The following SND1 variants were observed in gnomAD, a reference collection of about 807,000 sequenced individuals.
SND1 encodes staphylococcal nuclease domain-containing protein 1.
SND1 carries 38 observed loss-of-function variants against 121.7 expected under a neutral mutation model. That is an observed-to-expected ratio of 0.31 (90% CI 0.24 to 0.41). The LOEUF (loss-of-function observed/expected upper bound fraction) is 0.41. Among genes scored for constraint, SND1 ranks in the 10% least tolerant of loss-of-function variants. The pLI, the probability that SND1 is intolerant of heterozygous loss-of-function variation, is 1.00. For missense variants in SND1, 868 were observed against 1,184.6 expected, an observed-to-expected ratio of 0.73 and a Z score of 3.92; for synonymous variants, 401 against 447.4, an observed-to-expected ratio of 0.90 and a Z score of 1.31.
intron 16 of SND1, among the ~76,000 whole-genome samples, chr7:128,074,239 T>C (rs1391719007): frequency 6.6e-6 from 1 of 152,184 alleles, no homozygotes; most frequent in Non-Finnish European, 1.5e-5. Context: ...TCTCTCTCTC[T>C]CTCAGGTTAA....
chr7:128,016,439 G>A (rs958440776), intron 16 of SND1, among the ~76,000 whole-genome samples: 4 of 152,076 alleles, frequency 2.6e-5, no homozygotes, highest in Admixed American at 2.6e-4. Context: ...CTGACTAAGA[G>A]GCCTGAAGAG....
chr7:127,763,195 A>G (rs936717558), intron 10 of SND1, among the ~76,000 whole-genome samples: 6 of 152,204 alleles, frequency 3.9e-5, no homozygotes, highest in Non-Finnish European at 8.8e-5. Context: ...TGTTACTTAA[A>G]ATCAAGCATG....
At chr7:127,941,059 T>C (rs577293978) in intron 15 of SND1, among the ~76,000 whole-genome samples, 126 of 152,358 alleles carry the variant, frequency 8.3e-4, no homozygotes, top group African/African-American at 3.0e-3. Flanking sequence ...CACTGGCCTA[T>C]GAGGAGCAAG....
chr7:127,780,905 G>T (rs1458876256), intron 10 of SND1, among the ~76,000 whole-genome samples: 1 of 152,072 alleles, frequency 6.6e-6, no homozygotes, highest in Non-Finnish European at 1.5e-5. Context: ...TTATGATTTT[G>T]GCAGCATTTA....
At chr7:127,664,337 G>A (rs561418047) in intron 1 of SND1, among the ~76,000 whole-genome samples, 90 of 152,330 alleles carry the variant, frequency 5.9e-4, no homozygotes, top group Non-Finnish European at 1.0e-3. Flanking sequence ...CTAAGTGTGA[G>A]TGGGGCCTGG....
At chr7:128,038,650 T>C (rs563659371) in intron 16 of SND1, among the ~76,000 whole-genome samples, 14 of 152,134 alleles carry the variant, frequency 9.2e-5, no homozygotes, top group Admixed American at 4.6e-4. Flanking sequence ...AGGTATGAGA[T>C]GTTTTTCATT....
rs548958487 is a variant in SND1 at position 128,085,637 on chromosome 7, C to T, written c.2235-74C>T. 384 of 1,341,108 alleles carry T rather than the reference C, an allele frequency of 2.9e-4. No homozygotes were observed. Among genetic ancestry groups the T allele is most frequent in the East Asian group, 2.0e-3 (86 of 43,514 alleles). The allele number at this position is 1,341,108 out of a possible 1,614,324, so 83.1% of individuals were successfully genotyped here. ...GCAGGGAAATGCTGTGCCCCTGCCC[C>T]GCCATTGCTGAGGCTCTGGGAGCCC... On this transcript the variant is annotated intron_variant, in intron 19 of 23. Transcript: ENST00000354725. The surrounding 1 kb of genome is among the most constrained non-coding windows in gnomAD (Gnocchi z 4.4).
At chr7:127,800,996 C>G (rs1270630087) in intron 10 of SND1, among the ~76,000 whole-genome samples, 1 of 152,194 alleles carries the variant, frequency 6.6e-6, no homozygotes, top group Non-Finnish European at 1.5e-5. Context: ...TGCTATGTTG[C>G]TCTAAATCAG....
At chr7:127,718,537 C>T in intron 9 of SND1, 1 of 983,724 alleles carries the variant, frequency 1.0e-6, no homozygotes, top group African/African-American at 1.7e-5. Flanking sequence ...GCAAGCTAAA[C>T]CTTGCTTAGC....
chr7:127,689,901 C>A (rs1057493390), intron 2 of SND1, among the ~76,000 whole-genome samples: 1 of 151,698 alleles, frequency 6.6e-6, no homozygotes, highest in African/African-American at 2.4e-5. Flanking sequence ...ATTGAAAAAC[C>A]TGATTTCCCT....
At chr7:127,833,074 T>C (rs1798793291) in intron 11 of SND1, among the ~76,000 whole-genome samples, 1 of 152,134 alleles carries the variant, frequency 6.6e-6, no homozygotes, top group Admixed American at 6.5e-5. Flanking sequence ...TTGACTCTTT[T>C]CAGAATGTAA....
chr7:128,009,683 T>C (rs2116945896), intron 16 of SND1, among the ~76,000 whole-genome samples: 1 of 152,314 alleles, frequency 6.6e-6, no homozygotes, highest in South Asian at 2.1e-4. Flanking sequence ...CCCCTGCACA[T>C]TGTGCATTCT....
At chr7:127,831,347 A>C (rs1798734667) in intron 11 of SND1, among the ~76,000 whole-genome samples, 1 of 152,210 alleles carries the variant, frequency 6.6e-6, no homozygotes, top group Non-Finnish European at 1.5e-5. Flanking sequence ...CTCTCTCTGA[A>C]GGGCTGCAGC....
intron 13 of SND1, among the ~76,000 whole-genome samples, chr7:127,900,430 T>G (rs1161035907): frequency 6.6e-6 from 1 of 152,200 alleles, no homozygotes; most frequent in African/African-American, 2.4e-5. Flanking sequence ...ATTTTCTGGA[T>G]GAACTAGAGA....
At chr7:127,843,769 A>G (rs1174415504) in intron 11 of SND1, among the ~76,000 whole-genome samples, 2 of 152,232 alleles carry the variant, frequency 1.3e-5, no homozygotes, top group South Asian at 2.1e-4. Context: ...TCCTGGATCA[A>G]ATGGTAAGAG....
chr7:127,987,325 C>T (rs61228502), intron 15 of SND1, among the ~76,000 whole-genome samples: 1,533 of 152,296 alleles, frequency 0.01, 36 homozygotes, highest in African/African-American at 0.034. Context: ...CATTTTATTG[C>T]ATCACCAGCC....
intron 4 of SND1, among the ~76,000 whole-genome samples, chr7:127,700,128 T>C (rs1048708650): frequency 6.6e-6 from 1 of 152,196 alleles, no homozygotes; most frequent in Non-Finnish European, 1.5e-5. Context: ...CAGTTTGCAA[T>C]TGGAATGAAT....
chr7:127,658,344 A>G (rs1163939712), intron 1 of SND1, among the ~76,000 whole-genome samples: 2 of 152,156 alleles, frequency 1.3e-5, no homozygotes, highest in African/African-American at 4.8e-5. Context: ...GACTGATAAG[A>G]AAAAATACTT....
At chr7:127,718,794 C>T (rs1796437451) in intron 9 of SND1, 2 of 948,368 alleles carry the variant, frequency 2.1e-6, no homozygotes, top group Non-Finnish European at 2.5e-6. Context: ...GGTTTTATTA[C>T]TCTCTAAGCA....
Sources: allele counts gnomAD v4.1 joint callset (sites outside exome capture counted in the v4.1 genomes callset), GRCh38; gene constraint gnomAD v4.1.1; non-coding constraint Gnocchi (gnomAD v3.1); transcripts MANE v1.5; gene names NCBI Gene and HGNC (gene_info 2026-07-23, HGNC 2026-07-21).